MYSM1: variants seen among roughly 807,000 people sequenced by gnomAD.
MYSM1 encodes deubiquitinase MYSM1.
MYSM1 carries 51 observed loss-of-function variants against 116.0 expected under a neutral mutation model. The ratio of observed to expected loss-of-function variants is 0.44; its 90% CI spans 0.35 to 0.56. The LOEUF is 0.56. Among genes scored for constraint, MYSM1 ranks in the 20% least tolerant of loss-of-function variants. MYSM1 has a pLI of 0.00. For missense variants in MYSM1, 900 were observed against 974.9 expected (o/e 0.92, Z 1.02); for synonymous variants, 313 against 315.2 (o/e 0.99, Z 0.07).
chr1:58,679,833 G>T (rs879551100), intron 8 of MYSM1, among the ~76,000 whole-genome samples: 18 of 151,504 alleles, frequency 1.2e-4, no homozygotes, highest in Non-Finnish European at 2.4e-4. Context: ...TTCTAGACCA[G>T]CCTGGCCAAT....
In MYSM1 at chr1:58,682,452, G is replaced by C; in HGVS notation, c.592C>G (p.Pro198Ala). Reference protein sequence around the residue: ...NEDKGTKAWTPSCLRGRADPN... With the variant: ...NEDKGTKAWTASCLRGRADPN... The stretch of plus-strand genomic sequence containing the variant: ...TCAGCACGTCCCCTTAAACATGATG[G>C]TGTCCATGCCTTTGTCCCTTTATCT... Residue 198 changes from proline to alanine, a missense_variant, in exon 8 of 20, where the codon CCA becomes GCA. Pro to Ala is a conservative substitution (Grantham distance 27, BLOSUM62 -1). Coordinates refer to ENST00000472487, the MANE Select transcript of MYSM1 (RefSeq NM_001085487.3). 3 of 1,614,072 alleles carry C rather than the reference G, an allele frequency of 1.9e-6. No homozygotes were observed. Among genetic ancestry groups the C allele is most frequent in the South Asian group, 1.1e-5 (1 of 91,084 alleles).
In MYSM1 at chr1:58,682,331, T is replaced by C. The variant is rs1644758007; in HGVS notation, c.713A>G (p.Gln238Arg). The C allele has an allele frequency of 6.2e-7, 1 of 1,613,950 alleles. No individual in the cohort carries two copies. Among genetic ancestry groups the C allele is most frequent in the South Asian group, 1.1e-5 (1 of 91,082 alleles). The change falls in exon 8 of 20, where the codon CAG (glutamine) becomes CGG (arginine). Residue 238 changes from glutamine to arginine, a missense_variant. By Grantham distance (43) the Gln-to-Arg change is conservative. Transcript: ENST00000472487. ...EVDELSSQTP[Q>R]KNSSSDLLLD... is the part of the protein sequence containing the mutation. ...CAAGAGATCACTGCTAGAATTCTTC[T>C]GGGGTGTTTGAGAAGACAACTCGTC...
At chr1:58,670,448 T>C (rs533573521) in intron 12 of MYSM1, among the ~76,000 whole-genome samples, 16 of 152,286 alleles carry the variant, frequency 1.1e-4, no homozygotes, top group Non-Finnish European at 2.4e-4. Context: ...TGTTGAACAG[T>C]AGTAAAATTC....
In MYSM1 at chr1:58,698,102, A is replaced by ATTTTTTTTT. The variant is rs1553140002; in HGVS notation, c.68+1874_68+1882dup. 9.0e-4 allele frequency among the ~76,000 whole-genome samples: 7 copies of ATTTTTTTTT among 7,762 alleles called. 1 individual carries two copies. The highest frequency in any genetic ancestry group is 1.8e-3 in the African/African-American group (7 of 3,884). 5.1% of individuals were successfully genotyped at this position (7,762 alleles called of 152,430 possible). ...TATCAGACTATATATATATATATAT[A>ATTTTTTTTT]TTTTTTTTTTTTTTTTGAGACAGAG... On this transcript the variant is annotated intron_variant, in intron 1 of 19. Coordinates refer to ENST00000472487, the MANE Select transcript of MYSM1 (RefSeq NM_001085487.3).
intron 8 of MYSM1, among the ~76,000 whole-genome samples, chr1:58,680,989 T>C (rs1644733460): frequency 6.6e-6 from 1 of 151,602 alleles, no homozygotes; most frequent in African/African-American, 2.4e-5. Context: ...GCCCAGCTAA[T>C]ATATATATAT....
rs1308342711 is a variant in MYSM1 at position 58,658,918 on chromosome 1, G to A, written c.*1079C>T. 1 of 148,820 alleles carries A rather than the reference G, an allele frequency of 6.7e-6. No homozygotes were observed. The highest frequency in any genetic ancestry group is 1.5e-5 in the Non-Finnish European group (1 of 67,412). The allele number at this position is 148,820 out of a possible 1,614,324, so 9.2% of individuals were successfully genotyped here. A position where few individuals can be genotyped will look rare whatever the true frequency, so the allele number is the denominator to read the frequency against. Reference sequence around the variant, plus strand: ...CAACAGCCTATGTTTTATGAGGCCTGTGAGTTAACAATGGTTTTTATCATT... The same window carrying A: ...CAACAGCCTATGTTTTATGAGGCCTATGAGTTAACAATGGTTTTTATCATT... On this transcript the variant is annotated 3_prime_UTR_variant, in exon 20 of 20. Transcript: ENST00000472487.
intron 17 of MYSM1, among the ~76,000 whole-genome samples, chr1:58,662,222 G>A (rs549128694): frequency 3.3e-5 from 5 of 152,102 alleles, no homozygotes; most frequent in Admixed American, 1.3e-4. Context: ...AGCCCAAGGG[G>A]TGAACATCAT....
chr1:58,697,489 A>C lies in MYSM1; in HGVS notation c.69-2282T>G, dbSNP rs138938373. On this transcript the variant is annotated intron_variant, in intron 1 of 19. Transcript: ENST00000472487. ...TTAAGAGGGACAGTGTGGTCAGTGA[A>C]TCAAAGTCCAATGAGAAAACTCCTT... 7.1e-3 allele frequency among the ~76,000 whole-genome samples: 1,085 copies of C among 152,308 alleles called. 15 individuals carry two copies. The highest frequency in any genetic ancestry group is 0.025 in the African/African-American group (1,033 of 41,562).
intron 6 of MYSM1, among the ~76,000 whole-genome samples, chr1:58,687,338 G>A (rs12092121): frequency 0.57 from 86,432 of 151,922 alleles, 24,877 homozygotes; most frequent in East Asian, 0.64. Flanking sequence ...TGGTTACCCC[G>A]GGCGAAGCGA....
At chr1:58,668,403 G>C in intron 14 of MYSM1, 1 of 1,258,552 alleles carries the variant, frequency 7.9e-7, no homozygotes. Context: ...TAGGGTTAAT[G>C]ATGGTAAACA....
intron 8 of MYSM1, among the ~76,000 whole-genome samples, chr1:58,678,616 G>A (rs1422641892): frequency 6.6e-6 from 1 of 152,142 alleles, no homozygotes; most frequent in Admixed American, 6.5e-5. Flanking sequence ...GCATTATCAT[G>A]GGGGTTGAGG....
rs1391864298 is a variant in MYSM1 at position 58,661,226 on chromosome 1, T to C, written c.2272A>G (p.Ser758Gly). The C allele has an allele frequency of 1.2e-6, 2 of 1,612,484 alleles. No homozygotes were observed. Among genetic ancestry groups the C allele is most frequent in the African/African-American group, 1.3e-5 (1 of 74,852 alleles). Residue 758 changes from serine (S) to glycine (G), a missense_variant and splice_region_variant, in exon 19 of 20, where the codon AGC (serine) becomes GGC (glycine). By Grantham distance (56) the Ser-to-Gly change is moderately conservative. Coordinates refer to ENST00000472487, the MANE Select transcript of MYSM1 (RefSeq NM_001085487.3). ...CGAAAGATTTTATCCATGGGGACGCTGCTGTAGGAAGAAATATGAAAACAA... is the reference window on the plus strand; with the variant it reads ...CGAAAGATTTTATCCATGGGGACGCCGCTGTAGGAAGAAATATGAAAACAA... ...IIEKYRLSHS[S>G]VPMDKIFRRD...
At chr1:58,677,481 C>T (rs1362555764) in intron 8 of MYSM1, among the ~76,000 whole-genome samples, 1 of 152,024 alleles carries the variant, frequency 6.6e-6, no homozygotes, top group Non-Finnish European at 1.5e-5. Flanking sequence ...CAGTGTCTTT[C>T]AATTATCAGC....
chr1:58,693,483 T>C (rs1246017219), intron 2 of MYSM1, among the ~76,000 whole-genome samples: 1 of 152,196 alleles, frequency 6.6e-6, no homozygotes, highest in African/African-American at 2.4e-5. Context: ...CACCATCACT[T>C]ATCTCCACCT....
intron 1 of MYSM1, among the ~76,000 whole-genome samples, chr1:58,697,239 G>A (rs1290792429): frequency 7.5e-6 from 1 of 133,544 alleles, no homozygotes; most frequent in Non-Finnish European, 1.7e-5. Flanking sequence ...TACTAAACTA[G>A]GGTACAGTGA....
chr1:58,661,270 A>AT (rs1644387318), intron 18 of MYSM1, 43 bp from the exon 19 acceptor site: 1 of 1,484,750 alleles, frequency 6.7e-7, no homozygotes, highest in Admixed American at 1.7e-5. Flanking sequence ...AACGAATACT[A>AT]TAAACTAATC....
intron 16 of MYSM1, among the ~76,000 whole-genome samples, chr1:58,666,811 T>C (rs1334603801): frequency 1.3e-5 from 2 of 150,984 alleles, no homozygotes; most frequent in Non-Finnish European, 3.0e-5. Context: ...GAGGCAGAGG[T>C]TGCAGTGAGC....
chr1:58,697,560 A>G (rs1344745477), intron 1 of MYSM1, among the ~76,000 whole-genome samples: 1 of 151,822 alleles, frequency 6.6e-6, no homozygotes, highest in Non-Finnish European at 1.5e-5. Flanking sequence ...ATGAGACAGA[A>G]TGGTAGAAGT....
chr1:58,693,451 T>C (rs1242484754), intron 2 of MYSM1, among the ~76,000 whole-genome samples: 1 of 152,156 alleles, frequency 6.6e-6, no homozygotes, highest in African/African-American at 2.4e-5. Context: ...CTTCTAGAAC[T>C]TAACATATCT....
Sources: allele counts gnomAD v4.1 joint callset (sites outside exome capture counted in the v4.1 genomes callset), GRCh38; gene constraint gnomAD v4.1.1; transcripts MANE v1.5; gene names NCBI Gene and HGNC (gene_info 2026-07-23, HGNC 2026-07-21).